Variants in NFIA observed in about 807,000 individuals in gnomAD.
NFIA encodes the protein nuclear factor 1 A-type.
Under a neutral mutation model 62.8 loss-of-function variants are expected in NFIA, and 8 were observed. The observed-to-expected ratio is 0.13, with a 90% CI of 0.07 to 0.23. The LOEUF is 0.23. Ranked by LOEUF, NFIA falls within the 10% of genes least tolerant of loss-of-function variation. The probability of loss-of-function intolerance (pLI) is 1.00; values close to 1 mark genes in which losing one functional copy is unlikely to be tolerated. For synonymous variants in NFIA, 235 were observed against 238.1 expected (o/e 0.99, Z 0.12); for missense variants, 410 against 642.1 (o/e 0.64, Z 3.91).
At chr1:61,416,122 A>G (rs1030080947) in intron 9 of NFIA, among the ~76,000 whole-genome samples, 1 of 152,152 alleles carries the variant, frequency 6.6e-6, no homozygotes, top group African/African-American at 2.4e-5. Context: ...ATGTGGAAGG[A>G]TAGAAACTAA....
upstream of NFIA, among the ~76,000 whole-genome samples, chr1:61,079,156 TA>T (rs1472576471): frequency 6.6e-6 from 1 of 152,090 alleles, no homozygotes; most frequent in African/African-American, 2.4e-5. Flanking sequence ...TATATGCACA[TA>T]AGAAAAATCT....
intron 3 of NFIA, among the ~76,000 whole-genome samples, chr1:61,323,747 C>G (rs766352517): frequency 6.6e-6 from 1 of 152,124 alleles, no homozygotes; most frequent in Non-Finnish European, 1.5e-5. Flanking sequence ...TGTAGGTGAG[C>G]TAACAAAAAT....
intron 7 of NFIA, among the ~76,000 whole-genome samples, chr1:61,395,553 CA>C (rs373191744): frequency 9.2e-5 from 14 of 152,254 alleles, no homozygotes; most frequent in African/African-American, 3.4e-4. Context: ...TTTAGTCTCA[CA>C]GTAGTATCGC....
intron 6 of NFIA, among the ~76,000 whole-genome samples, chr1:61,360,268 T>G (rs6587920): frequency 0.83 from 125,311 of 151,742 alleles, 51,844 homozygotes; most frequent in East Asian, 0.95. Context: ...TAACACGTGG[T>G]TTAGAGGGAA....
intron 7 of NFIA, among the ~76,000 whole-genome samples, chr1:61,400,989 G>A (rs1470821763): frequency 2.0e-5 from 3 of 151,648 alleles, no homozygotes; most frequent in Admixed American, 2.0e-4. Context: ...GGTAGAAGAG[G>A]AATAGCAGGT....
At chr1:61,361,321 A>T (rs371139003) in intron 6 of NFIA, among the ~76,000 whole-genome samples, 2 of 152,226 alleles carry the variant, frequency 1.3e-5, no homozygotes, top group African/African-American at 4.8e-5. Flanking sequence ...CATGACCTCT[A>T]TATAGTGCCA....
chr1:61,364,421 G>T (rs1172948552), intron 6 of NFIA, among the ~76,000 whole-genome samples: 1 of 152,098 alleles, frequency 6.6e-6, no homozygotes, highest in Non-Finnish European at 1.5e-5. Flanking sequence ...AGAGAATTTG[G>T]GGTGCTTTCA....
intron 7 of NFIA, among the ~76,000 whole-genome samples, chr1:61,388,906 G>A (rs1664833448): frequency 6.6e-6 from 1 of 152,066 alleles, no homozygotes; most frequent in African/African-American, 2.4e-5. Context: ...TGAGGCCAGG[G>A]GTTTGAGACC....
At chr1:61,350,478 T>A (rs1010795537) in intron 4 of NFIA, among the ~76,000 whole-genome samples, 3 of 152,004 alleles carry the variant, frequency 2.0e-5, no homozygotes, top group Non-Finnish European at 2.9e-5. Flanking sequence ...AAAAGAAATT[T>A]TTAAAAAATT....
At chr1:61,394,705 A>G (rs1665177484) in intron 7 of NFIA, among the ~76,000 whole-genome samples, 1 of 152,198 alleles carries the variant, frequency 6.6e-6, no homozygotes, top group South Asian at 2.1e-4. Flanking sequence ...TAGACTGATT[A>G]TTCTGTTGCT....
At chr1:61,286,954 A>G (rs1658540582) in intron 3 of NFIA, among the ~76,000 whole-genome samples, 1 of 152,190 alleles carries the variant, frequency 6.6e-6, no homozygotes, top group Non-Finnish European at 1.5e-5. Flanking sequence ...AAGAACACTA[A>G]GGGGGTTGGT....
intron 2 of NFIA, among the ~76,000 whole-genome samples, chr1:61,223,844 A>T (rs770352420): frequency 4.3e-4 from 66 of 152,280 alleles, no homozygotes; most frequent in Non-Finnish European, 5.7e-4. Flanking sequence ...TTTTCTGAGG[A>T]TATCAACTAA....
At chr1:61,133,670 C>T (rs1647122837) in intron 2 of NFIA, among the ~76,000 whole-genome samples, 1 of 152,180 alleles carries the variant, frequency 6.6e-6, no homozygotes, top group African/African-American at 2.4e-5. Context: ...GCTGAAATCA[C>T]ATAACTTCTT....
At chr1:61,428,114 A>G (rs1557430754) in intron 10 of NFIA, among the ~76,000 whole-genome samples, 1 of 152,170 alleles carries the variant, frequency 6.6e-6, no homozygotes, top group Non-Finnish European at 1.5e-5. Context: ...TGCAGCTTTG[A>G]AATGTCCTGT....
intron 2 of NFIA, among the ~76,000 whole-genome samples, chr1:61,126,819 C>G (rs1304681630): frequency 8.1e-6 from 1 of 122,884 alleles, no homozygotes; most frequent in Non-Finnish European, 1.6e-5. Flanking sequence ...AAGTCTTGCT[C>G]TCTTGCCCAG....
intron 3 of NFIA, among the ~76,000 whole-genome samples, chr1:61,323,470 A>G (rs1187345026): frequency 6.6e-6 from 1 of 152,238 alleles, no homozygotes. Flanking sequence ...ATATATATGT[A>G]CTTTTATTGC....
At chr1:61,409,417 T>C (rs1456272043) in intron 9 of NFIA, among the ~76,000 whole-genome samples, 1 of 152,198 alleles carries the variant, frequency 6.6e-6, no homozygotes, top group African/African-American at 2.4e-5. Context: ...AACAAGATGG[T>C]GTTAGGCTGG....
intron 10 of NFIA, among the ~76,000 whole-genome samples, chr1:61,453,426 T>C (rs1668152155): frequency 6.7e-6 from 1 of 148,568 alleles, no homozygotes; most frequent in African/African-American, 2.5e-5. Context: ...TACTGAATAG[T>C]AAGATGTGTG....
intron 4 of NFIA, among the ~76,000 whole-genome samples, chr1:61,333,047 GCACA>G (rs71050120): frequency 3.5e-4 from 50 of 144,776 alleles, no homozygotes; most frequent in African/African-American, 1.0e-3. Flanking sequence ...TAGCATGCAC[GCACA>G]CACACACACA....
Sources: gnomAD v4.1 joint callset for allele counts (sites outside exome capture counted in the v4.1 genomes callset) on GRCh38, gnomAD v4.1.1 for gene constraint, MANE v1.5 for transcripts, NCBI Gene and HGNC (gene_info 2026-07-23, HGNC 2026-07-21) for gene names.